Variants in SMYD3 observed in about 807,000 individuals in gnomAD.
SMYD3 encodes SET and MYND domain containing 3.
Under a neutral mutation model 57.7 loss-of-function variants are expected in SMYD3, and 36 were observed. The ratio of observed to expected loss-of-function variants is 0.62; its 90% CI spans 0.48 to 0.82. The LOEUF (loss-of-function observed/expected upper bound fraction) is 0.82, where lower values mean the gene tolerates loss of function less well. Among genes scored for constraint, SMYD3 ranks in the 40% least tolerant of loss-of-function variants. SMYD3 has a pLI of 0.00. For synonymous variants in SMYD3, 211 were observed against 195.0 expected, an observed-to-expected ratio of 1.08 and a Z score of -0.68; for missense variants, 515 against 538.8, an observed-to-expected ratio of 0.96 and a Z score of 0.44.
intron 1 of SMYD3, chr1:246,483,518 A>G (rs2068140707): frequency 6.6e-6 from 1 of 152,252 alleles, no homozygotes; most frequent in African/African-American, 2.4e-5. Context: ...ACAAAAGGCT[A>G]ATCTAAAAAT....
At chr1:246,298,361 G>C (rs2064833340) in intron 5 of SMYD3, among the ~76,000 whole-genome samples, 2 of 151,978 alleles carry the variant, frequency 1.3e-5, no homozygotes, top group South Asian at 4.1e-4. Flanking sequence ...TTTTTTCTAT[G>C]ACCAAAATCA....
intron 5 of SMYD3, among the ~76,000 whole-genome samples, chr1:246,146,232 T>C (rs1435129298): frequency 1.3e-5 from 2 of 152,172 alleles, no homozygotes; most frequent in South Asian, 2.1e-4. Context: ...TGAATAAACA[T>C]GAACTTTTTA....
chr1:245,907,835 C>T (rs1328799877), intron 8 of SMYD3, among the ~76,000 whole-genome samples: 1 of 152,026 alleles, frequency 6.6e-6, no homozygotes, highest in Non-Finnish European at 1.5e-5. Flanking sequence ...AATTGTAAAG[C>T]CAGATTAAAA....
At chr1:246,113,177 G>A (rs1456821970) in intron 5 of SMYD3, among the ~76,000 whole-genome samples, 1 of 144,064 alleles carries the variant, frequency 6.9e-6, no homozygotes, top group East Asian at 2.1e-4. Flanking sequence ...GTAAGACTCT[G>A]TCTCAAAAAA....
chr1:245,768,596 C>T (rs1558317073), intron 10 of SMYD3, among the ~76,000 whole-genome samples: 1 of 152,202 alleles, frequency 6.6e-6, no homozygotes, highest in Non-Finnish European at 1.5e-5. Context: ...CTCCAAAATT[C>T]AGATGCTGAA....
At chr1:246,017,899 C>T (rs764706384) in intron 5 of SMYD3, among the ~76,000 whole-genome samples, 6 of 152,168 alleles carry the variant, frequency 3.9e-5, no homozygotes, top group Admixed American at 6.5e-5. Flanking sequence ...CTAGCAGGAG[C>T]CTCTTCAAGC....
intron 8 of SMYD3, among the ~76,000 whole-genome samples, chr1:245,875,479 C>A (rs534802658): frequency 6.6e-6 from 1 of 152,348 alleles, no homozygotes; most frequent in African/African-American, 2.4e-5. Flanking sequence ...GAGTCGTGCA[C>A]ATCTTCCATT....
At chr1:246,210,658 C>T (rs2063070866) in intron 5 of SMYD3, among the ~76,000 whole-genome samples, 1 of 150,998 alleles carries the variant, frequency 6.6e-6, no homozygotes, top group Admixed American at 6.6e-5. Context: ...TGCAGTGAGC[C>T]GACATTGTGC....
intron 1 of SMYD3, among the ~76,000 whole-genome samples, chr1:246,393,797 G>T (rs527360441): frequency 6.6e-6 from 1 of 152,002 alleles, no homozygotes; most frequent in Admixed American, 6.6e-5. Context: ...TGAGGCTGCC[G>T]TGTGCCAAGA....
At chr1:246,462,543 G>C (rs1484930737) in intron 1 of SMYD3, among the ~76,000 whole-genome samples, 1 of 152,120 alleles carries the variant, frequency 6.6e-6, no homozygotes, top group Non-Finnish European at 1.5e-5. Context: ...CTGCATGTCA[G>C]ATCACCCCAT....
chr1:246,193,005 G>C (rs753051469), intron 5 of SMYD3, among the ~76,000 whole-genome samples: 1 of 151,932 alleles, frequency 6.6e-6, no homozygotes, highest in African/African-American at 2.4e-5. Flanking sequence ...GTTCTAATAA[G>C]TACAGCCAAA....
intron 5 of SMYD3, among the ~76,000 whole-genome samples, chr1:246,261,458 A>G (rs1257584469): frequency 6.6e-6 from 1 of 151,900 alleles, no homozygotes; most frequent in Non-Finnish European, 1.5e-5. Flanking sequence ...TCTTAAAGAT[A>G]TAATCGTTTA....
At chr1:245,981,729 T>C (rs931582840) in intron 5 of SMYD3, among the ~76,000 whole-genome samples, 1 of 152,250 alleles carries the variant, frequency 6.6e-6, no homozygotes, top group Non-Finnish European at 1.5e-5. Flanking sequence ...ATGTTAATAC[T>C]GAAAGCATGT....
intron 10 of SMYD3, among the ~76,000 whole-genome samples, chr1:245,803,763 T>C (rs1387057648): frequency 6.6e-6 from 1 of 152,040 alleles, no homozygotes; most frequent in Non-Finnish European, 1.5e-5. Flanking sequence ...CTTAAGAAAA[T>C]TTCTAAAATT....
Position 245,998,111 on chromosome 1 carries a change from TAC to T in SMYD3, c.532-68176_532-68175del, listed in dbSNP as rs202163930. Reference sequence around the variant, plus strand: ...CTGTGAGCAGACAGATTCCAAAATGTACAGTCACAGGCTGGCTCCTCTGAGGC... The same window carrying T: ...CTGTGAGCAGACAGATTCCAAAATGTAGTCACAGGCTGGCTCCTCTGAGGC... On this transcript the variant is annotated intron_variant, in intron 5 of 11. Coordinates refer to ENST00000490107, the MANE Select transcript of SMYD3 (RefSeq NM_001167740.2). Among the ~76,000 whole-genome samples, 847 of 152,278 alleles carry T rather than the reference TAC, an allele frequency of 5.6e-3. 9 individuals are homozygous for T. Among genetic ancestry groups the T allele is most frequent in the Non-Finnish European group, 8.4e-3 (569 of 68,026 alleles).
intron 5 of SMYD3, among the ~76,000 whole-genome samples, chr1:246,264,224 T>C (rs2064063958): frequency 6.6e-6 from 1 of 152,218 alleles, no homozygotes; most frequent in African/African-American, 2.4e-5. Flanking sequence ...AGTATATCAA[T>C]TGTTCTGAAT....
In SMYD3 at chr1:246,232,156, C is replaced by G. The variant is rs185509245; in HGVS notation, c.531+95045G>C. Among the ~76,000 whole-genome samples, 172 of 123,124 alleles carry G rather than the reference C, an allele frequency of 1.4e-3. 3 individuals are homozygous for G. The East Asian group carries it at 0.052, about 37-fold the overall frequency. 80.8% of individuals were successfully genotyped at this position (123,124 alleles called of 152,430 possible). On this transcript the variant is annotated intron_variant, in intron 5 of 11. Transcript: ENST00000490107. Reference sequence around the variant, plus strand: ...ATTTGTAATAAATCCAATGGAAGCTCTTTTGTGACATGAAGCTTACTCAGT... The same window carrying G: ...ATTTGTAATAAATCCAATGGAAGCTGTTTTGTGACATGAAGCTTACTCAGT...
intron 5 of SMYD3, among the ~76,000 whole-genome samples, chr1:245,960,678 G>C (rs1295819061): frequency 6.6e-6 from 1 of 152,092 alleles, no homozygotes; most frequent in African/African-American, 2.4e-5. Flanking sequence ...AGTGAGCTGA[G>C]ACCATGCCAC....
intron 5 of SMYD3, among the ~76,000 whole-genome samples, chr1:246,258,270 C>T (rs992401769): frequency 9.9e-5 from 15 of 152,010 alleles, no homozygotes; most frequent in African/African-American, 2.9e-4. Flanking sequence ...CTCCTGACCT[C>T]GTGATCCGCC....
Sources: gnomAD v4.1 joint callset for allele counts (sites outside exome capture counted in the v4.1 genomes callset) on GRCh38, gnomAD v4.1.1 for gene constraint, MANE v1.5 for transcripts, NCBI Gene and HGNC (gene_info 2026-07-23, HGNC 2026-07-21) for gene names.